GAS7: variants seen among roughly 807,000 people sequenced by gnomAD.
GAS7 encodes the protein growth arrest specific 7.
A neutral mutation model predicts 71.1 loss-of-function variants in GAS7; 28 were observed. The observed-to-expected ratio is 0.39, with a 90% CI of 0.29 to 0.54. The LOEUF (loss-of-function observed/expected upper bound fraction) is 0.54. Among genes scored for constraint, GAS7 ranks in the 20% least tolerant of loss-of-function variants. GAS7 has a pLI of 0.62. For missense variants in GAS7, 436 were observed against 627.8 expected, an observed-to-expected ratio of 0.69 and a Z score of 3.27; for synonymous variants, 258 against 245.8, an observed-to-expected ratio of 1.05 and a Z score of -0.46.
At chr17:9,943,071 C>T (rs980145962) in intron 7 of GAS7, 50 bp downstream of exon 7, 18 of 1,245,124 alleles carry the variant, frequency 1.4e-5, no homozygotes, top group South Asian at 1.4e-4. Flanking sequence ...CACGGGGCCC[C>T]GGGGAACACT....
chr17:9,944,303 A>G lies in GAS7; in HGVS notation c.616-1067T>C, dbSNP rs533742662. 3.9e-5 allele frequency among the ~76,000 whole-genome samples: 6 copies of G among 152,158 alleles called. No individual in the cohort carries two copies. The East Asian group carries it at 1.2e-3, about 29-fold the overall frequency. ...CCCTATCAGGAACCCAGGGTCAAAC[A>G]CTTTGATACTTAATGGAAGGTGTTC... On this transcript the variant is annotated intron_variant, in intron 6 of 13. Coordinates refer to ENST00000432992, the MANE Select transcript of GAS7 (RefSeq NM_201433.2).
chr17:10,042,292 CAAAAAAAAAA>C (rs58391348), intron 1 of GAS7, among the ~76,000 whole-genome samples: 4 of 95,606 alleles, frequency 4.2e-5, no homozygotes, highest in Non-Finnish European at 6.8e-5. Context: ...GAGACTCCGT[CAAAAAAAAAA>C]AAAAAAAAAA....
intron 1 of GAS7, among the ~76,000 whole-genome samples, chr17:10,192,987 G>A (rs1011689164): frequency 6.6e-6 from 1 of 152,056 alleles, no homozygotes; most frequent in Non-Finnish European, 1.5e-5. Flanking sequence ...GAGGGACAAG[G>A]TCACACTCAT....
intron 1 of GAS7, among the ~76,000 whole-genome samples, chr17:10,065,344 A>T (rs1341235638): frequency 2.6e-5 from 4 of 152,212 alleles, no homozygotes; most frequent in Non-Finnish European, 5.9e-5. Flanking sequence ...AAGCAACAGA[A>T]ATGTATTCTC....
intron 1 of GAS7, among the ~76,000 whole-genome samples, chr17:10,126,620 ACT>A (rs1016519785): frequency 2.0e-5 from 3 of 151,890 alleles, no homozygotes; most frequent in South Asian, 2.1e-4. Flanking sequence ...ATGCAGACAC[ACT>A]CACACACTCG....
At chr17:10,036,530 G>T in intron 1 of GAS7, 1 of 1,600,506 alleles carries the variant, frequency 6.2e-7, no homozygotes, top group Non-Finnish European at 8.5e-7. Flanking sequence ...AGACTCCGCC[G>T]GCTTCCTCTT....
At chr17:10,072,891 T>TA (rs536091909) in intron 1 of GAS7, among the ~76,000 whole-genome samples, 18 of 145,850 alleles carry the variant, frequency 1.2e-4, no homozygotes, top group African/African-American at 2.5e-4. Flanking sequence ...AATGGGGAAC[T>TA]AAAAAAAAAA....
At chr17:10,119,316 C>T (rs1181621233) in intron 1 of GAS7, among the ~76,000 whole-genome samples, 2 of 152,236 alleles carry the variant, frequency 1.3e-5, no homozygotes, top group Admixed American at 1.3e-4. Context: ...CTTCTGCTCA[C>T]TGTATTGATT....
Position 9,964,311 on chromosome 17 carries a change from T to TC in GAS7, c.472-5057dup, listed in dbSNP as rs544741415. ...CCAAATGTCTTCTCAGCCCATTTCC[T>TC]CCCCCCCTGCAAATAATCTGGGTCC... On this transcript the variant is annotated intron_variant, in intron 4 of 13. Coordinates refer to ENST00000432992, the MANE Select transcript of GAS7 (RefSeq NM_201433.2). 6.5e-3 allele frequency among the ~76,000 whole-genome samples: 986 copies of TC among 151,766 alleles called. 6 individuals are homozygous for TC. Among genetic ancestry groups the TC allele is most frequent in the Non-Finnish European group, 9.5e-3 (645 of 67,916 alleles).
At chr17:9,953,358 C>T (rs76115150) in intron 5 of GAS7, among the ~76,000 whole-genome samples, 271 of 152,238 alleles carry the variant, frequency 1.8e-3, no homozygotes, top group Admixed American at 4.6e-3. Context: ...CAGATGGAGC[C>T]CCGAGGTGCC....
chr17:10,006,316 C>CT (rs1168698479), intron 2 of GAS7, among the ~76,000 whole-genome samples: 6,161 of 65,576 alleles, frequency 0.094, 1,598 homozygotes, highest in East Asian at 0.13. Flanking sequence ...GCCCCAGATT[C>CT]TTTTTTTTTT....
chr17:10,165,157 T>C lies in GAS7; in HGVS notation c.183+33051A>G, dbSNP rs1321575164. Among the ~76,000 whole-genome samples the C allele has an allele frequency of 2.0e-5, 3 of 147,772 alleles. No individual in the cohort carries two copies. In the East Asian group the frequency reaches 5.9e-4, roughly 29 times the overall value. On this transcript the variant is annotated intron_variant, in intron 1 of 13. Coordinates refer to ENST00000432992, the MANE Select transcript of GAS7 (RefSeq NM_201433.2). The stretch of plus-strand genomic sequence containing the variant: ...AAAAAAAAAAAATAGCTGGGTGTGG[T>C]GGCGGGTGCCTGTAGTCCCAGCTAC...
At chr17:9,939,590 A>G (rs1016031619) in intron 8 of GAS7, among the ~76,000 whole-genome samples, 1 of 151,802 alleles carries the variant, frequency 6.6e-6, no homozygotes, top group Admixed American at 6.6e-5. Context: ...CTTGGTCACT[A>G]AAGAGAAGAC....
chr17:9,961,591 G>A (rs756389067), intron 4 of GAS7, among the ~76,000 whole-genome samples: 2 of 152,232 alleles, frequency 1.3e-5, no homozygotes, highest in Non-Finnish European at 2.9e-5. Context: ...GGATGCTGAT[G>A]ATGTTGGTGA....
At chr17:10,120,953 C>T (rs2073899950) in intron 1 of GAS7, among the ~76,000 whole-genome samples, 1 of 152,236 alleles carries the variant, frequency 6.6e-6, no homozygotes, top group African/African-American at 2.4e-5. Context: ...CCCACTGGAA[C>T]CCCAAGGTGG....
intron 5 of GAS7, among the ~76,000 whole-genome samples, chr17:9,956,572 C>T (rs2069246676): frequency 6.6e-6 from 1 of 152,180 alleles, no homozygotes; most frequent in Admixed American, 6.5e-5. Flanking sequence ...ACAGCACACT[C>T]CACCTGCCAG....
chr17:10,092,151 T>C (rs560910301), intron 1 of GAS7, among the ~76,000 whole-genome samples: 36 of 152,108 alleles, frequency 2.4e-4, no homozygotes, highest in Non-Finnish European at 4.4e-4. Context: ...ACTTCGCACA[T>C]GTATTCTCTC....
At chr17:10,046,777 AAAGAAAGAAAGGAAGGAAGG>A (rs2072967571) in intron 1 of GAS7, among the ~76,000 whole-genome samples, 1 of 110,962 alleles carries the variant, frequency 9.0e-6, no homozygotes, top group Non-Finnish European at 1.7e-5. Flanking sequence ...GAAGAGAAAG[AAAGAAAGAAAGGAAGGAAGG>A]AAGGAAGGAA....
chr17:10,119,034 C>T (rs1331702563), intron 1 of GAS7, among the ~76,000 whole-genome samples: 2 of 152,110 alleles, frequency 1.3e-5, no homozygotes, highest in Non-Finnish European at 2.9e-5. Context: ...ATGCACCAGG[C>T]GCTGTTTCTA....
Sources: gnomAD v4.1 joint callset for allele counts (sites outside exome capture counted in the v4.1 genomes callset) on GRCh38, gnomAD v4.1.1 for gene constraint, MANE v1.5 for transcripts, NCBI Gene and HGNC (gene_info 2026-07-23, HGNC 2026-07-21) for gene names.